PLCH1: variants seen among roughly 807,000 people sequenced by gnomAD.
PLCH1 encodes phospholipase C eta 1.
In PLCH1, 60 loss-of-function variants were observed where a neutral mutation model predicts 126.7. The ratio of observed to expected loss-of-function variants is 0.47; its 90% CI spans 0.38 to 0.59. The LOEUF is 0.59. Among genes scored for constraint, PLCH1 ranks in the 20% least tolerant of loss-of-function variants. The pLI, the probability that PLCH1 is intolerant of heterozygous loss-of-function variation, is 0.00. For missense variants in PLCH1, 1,723 were observed against 2,040.0 expected (o/e 0.84, Z 2.99); for synonymous variants, 719 against 734.9 (o/e 0.98, Z 0.35).
At chr3:155,512,000 C>T (rs12633676) in intron 12 of PLCH1, among the ~76,000 whole-genome samples, 29,094 of 151,146 alleles carry the variant, frequency 0.19, 3,422 homozygotes, top group East Asian at 0.41. Flanking sequence ...TAGCAATCAG[C>T]GAGATTCCGT....
chr3:155,485,695 C>T lies in PLCH1; in HGVS notation c.2635G>A (p.Gly879Ser), dbSNP rs1462521902. 6.3e-7 allele frequency: 1 copy of T among 1,597,392 alleles called. No individual in the cohort carries two copies. The highest frequency in any genetic ancestry group is 1.7e-5 in the Admixed American group (1 of 59,760). Reference sequence around the variant, plus strand: ...TTCTTATTGAACAGTCCCTTCAGACCCTGGAGTTGTCTGTTCTGAAGACAC... The same window carrying T: ...TTCTTATTGAACAGTCCCTTCAGACTCTGGAGTTGTCTGTTCTGAAGACAC... ...EIYGKNRQLQ[G>S]LKGLFNKNPR... is the part of the protein sequence containing the mutation. The change falls in exon 22 of 23, where the codon GGT (glycine) becomes AGT (serine). Residue 879 changes from glycine (G) to serine (S), a missense_variant. Transcript: ENST00000460012.
intron 2 of PLCH1, among the ~76,000 whole-genome samples, chr3:155,647,475 A>G (rs910027128): frequency 1.3e-5 from 2 of 151,876 alleles, no homozygotes; most frequent in Admixed American, 6.6e-5. Context: ...AAAAGACACA[A>G]TGAACAGGAA....
chr3:155,560,148 T>C (rs1441373151), intron 8 of PLCH1, among the ~76,000 whole-genome samples: 3 of 152,122 alleles, frequency 2.0e-5, no homozygotes, highest in Non-Finnish European at 2.9e-5. Flanking sequence ...AGTTGTAAAA[T>C]TGTCTAGAGT....
At chr3:155,476,129 A>G (rs1320826852), downstream of PLCH1, among the ~76,000 whole-genome samples, 1 of 152,144 alleles carries the variant, frequency 6.6e-6, no homozygotes, top group Non-Finnish European at 1.5e-5. Context: ...AGTGGGATTT[A>G]TCACCCATGG....
chr3:155,546,390 G>A (rs142041129), intron 10 of PLCH1, among the ~76,000 whole-genome samples: 123,441 of 151,980 alleles, frequency 0.81, 51,956 homozygotes, highest in Middle Eastern at 0.95. Context: ...AATTAAAGAG[G>A]ATACAAACAA....
chr3:155,461,798 T>A (rs1025534752), intron 21 of PLCH1, among the ~76,000 whole-genome samples: 1 of 152,194 alleles, frequency 6.6e-6, no homozygotes, highest in African/African-American at 2.4e-5. Context: ...GTAGATAGGA[T>A]GACCTATTTT....
intron 1 of PLCH1, among the ~76,000 whole-genome samples, chr3:155,725,573 G>C (rs1258628242): frequency 6.6e-6 from 1 of 151,558 alleles, no homozygotes; most frequent in Non-Finnish European, 1.5e-5. Context: ...TCATCCTCCA[G>C]AGTAGCTGGG....
chr3:155,725,566 T>A lies in PLCH1; in HGVS notation c.-41+19274A>T, dbSNP rs895473194. ...ACGTTCAAGCAATTCTCCTACCTCATCCTCCAGAGTAGCTGGGATTACAGA... is the reference window on the plus strand; with the variant it reads ...ACGTTCAAGCAATTCTCCTACCTCAACCTCCAGAGTAGCTGGGATTACAGA... On this transcript the variant is annotated intron_variant, in intron 1 of 22. Transcript: ENST00000460012. Among the ~76,000 whole-genome samples the A allele has an allele frequency of 1.1e-4, 16 of 151,742 alleles. No homozygotes were observed. The East Asian group carries it at 3.1e-3, about 30-fold the overall frequency.
rs757050399 is a variant in PLCH1, at chr3:155,688,803, T to C, written c.79+15343A>G. Among the ~76,000 whole-genome samples the C allele has an allele frequency of 8.5e-4, 130 of 152,240 alleles. 2 individuals are homozygous for C. The highest frequency in any genetic ancestry group is 1.6e-3 in the Non-Finnish European group (108 of 68,008). On this transcript the variant is annotated intron_variant, in intron 2 of 22. Transcript: ENST00000460012. The stretch of plus-strand genomic sequence containing the variant: ...GTAGCGGGTGGCCACAGAGAAAGGC[T>C]CCTCTGCCTGTGGAAAGGGGAGGGA...
intron 2 of PLCH1, among the ~76,000 whole-genome samples, chr3:155,646,689 A>G (rs1740098538): frequency 6.6e-6 from 1 of 152,144 alleles, no homozygotes; most frequent in Admixed American, 6.5e-5. Flanking sequence ...CACAGGCCTA[A>G]AGCAGAGAAC....
chr3:155,703,476 G>C (rs1746424191), intron 2 of PLCH1, among the ~76,000 whole-genome samples: 1 of 152,178 alleles, frequency 6.6e-6, no homozygotes, highest in Non-Finnish European at 1.5e-5. Context: ...ATCCCTGACT[G>C]TATACCACAA....
intron 1 of PLCH1, among the ~76,000 whole-genome samples, chr3:155,715,900 A>T (rs1338603469): frequency 6.6e-5 from 10 of 152,116 alleles, no homozygotes; most frequent in Admixed American, 6.6e-5. Context: ...CACTGCACTT[A>T]GCCTTCCATT....
intron 2 of PLCH1, among the ~76,000 whole-genome samples, chr3:155,631,176 T>TA (rs1431108565): frequency 6.6e-6 from 1 of 152,198 alleles, no homozygotes; most frequent in Non-Finnish European, 1.5e-5. Context: ...GGTATTTTGG[T>TA]AATTTCACAG....
rs1247035509 is a variant in PLCH1 at position 155,480,846 on chromosome 3, G to A, written c.*122C>T. On this transcript the variant is annotated 3_prime_UTR_variant, in exon 23 of 23. Transcript: ENST00000460012. ...GGGAGAACACATGAAGTCAAAGGGA[G>A]ACCCAAATACAAGTTTAAAAATACA... The A allele has an allele frequency of 1.2e-5, 10 of 835,210 alleles. No individual in the cohort carries two copies. The highest frequency in any genetic ancestry group is 1.7e-5 in the African/African-American group (1 of 59,080). 51.7% of individuals were successfully genotyped at this position (835,210 alleles called of 1,614,324 possible). A position where few individuals can be genotyped will look rare whatever the true frequency, so the allele number is the denominator to read the frequency against.
chr3:155,455,530 A>G (rs1297855787), intron 21 of PLCH1, among the ~76,000 whole-genome samples: 1 of 152,256 alleles, frequency 6.6e-6, no homozygotes, highest in Admixed American at 6.5e-5. Flanking sequence ...TGTGGACACC[A>G]ACATTCACTA....
chr3:155,618,514 A>G (rs6768777), intron 2 of PLCH1, among the ~76,000 whole-genome samples: 73,873 of 152,058 alleles, frequency 0.49, 20,338 homozygotes, highest in African/African-American at 0.74. Context: ...CTTTAACAAT[A>G]AAATTTCTAC....
chr3:155,632,795 A>G (rs1185770598), intron 2 of PLCH1, among the ~76,000 whole-genome samples: 1 of 152,230 alleles, frequency 6.6e-6, no homozygotes, highest in Admixed American at 6.5e-5. Context: ...ATGAATGCTC[A>G]TGGCAATTAC....
At chr3:155,488,846 A>G (rs1265993779) in intron 19 of PLCH1, 40 bp from the exon 20 acceptor site, 16 of 1,572,308 alleles carry the variant, frequency 1.0e-5, no homozygotes, top group African/African-American at 1.4e-5. Flanking sequence ...AAAGCAAAGG[A>G]CTTGGCTGAA....
chr3:155,698,713 T>C (rs1214499630), intron 2 of PLCH1, among the ~76,000 whole-genome samples: 3 of 152,196 alleles, frequency 2.0e-5, no homozygotes, highest in Admixed American at 6.5e-5. Flanking sequence ...ACTCAGCCAG[T>C]GGGAACCCCT....
Sources: allele counts gnomAD v4.1 joint callset (sites outside exome capture counted in the v4.1 genomes callset), GRCh38; gene constraint gnomAD v4.1.1; transcripts MANE v1.5; gene names NCBI Gene and HGNC (gene_info 2026-07-23, HGNC 2026-07-21).